Variants in COLEC10 observed in about 807,000 individuals in gnomAD.
COLEC10 encodes collectin subfamily member 10.
Under a neutral mutation model 28.4 loss-of-function variants are expected in COLEC10, and 22 were observed. That is an observed-to-expected ratio of 0.78 (90% CI 0.55 to 1.11). COLEC10 has a LOEUF of 1.11. COLEC10 is among the 50% of genes least tolerant of loss of function. COLEC10 has a pLI of 0.00. For missense variants in COLEC10, 361 were observed against 344.1 expected (o/e 1.05, Z -0.39); for synonymous variants, 125 against 116.1 (o/e 1.08, Z -0.49).
At chr8:119,083,437 T>C (rs770110270) in intron 1 of COLEC10, among the ~76,000 whole-genome samples, 1 of 152,136 alleles carries the variant, frequency 6.6e-6, no homozygotes, top group Non-Finnish European at 1.5e-5. Flanking sequence ...GTCTAAACCA[T>C]ATGGATTGAG....
At chr8:119,094,732 C>T (rs528654278) in intron 3 of COLEC10, among the ~76,000 whole-genome samples, 1 of 152,114 alleles carries the variant, frequency 6.6e-6, no homozygotes, top group Non-Finnish European at 1.5e-5. Context: ...CCAGGAAATG[C>T]CCCCATATTC....
In COLEC10 at chr8:119,107,041, A is replaced by G. The variant is rs1815962345; in HGVS notation, c.*850A>G. ...TGCCCACTGCTATTAACTTAACTTC[A>G]TTTTTATTTATCTTAGGTTTACCTG... is the stretch of plus-strand genomic sequence containing the variant. On this transcript the variant is annotated 3_prime_UTR_variant, in exon 6 of 6. Transcript: ENST00000332843. Among the ~76,000 whole-genome samples the G allele has an allele frequency of 6.6e-6, 1 of 152,106 alleles. No homozygotes were observed. The highest frequency in any genetic ancestry group is 6.5e-5 in the Admixed American group (1 of 15,268).
chr8:119,052,362 C>T (rs957409956), intron 2 of COLEC10, among the ~76,000 whole-genome samples: 1 of 152,090 alleles, frequency 6.6e-6, no homozygotes, highest in African/African-American at 2.4e-5. Context: ...GCCACCAAGA[C>T]AGTGTTGCTG....
intron 1 of COLEC10, among the ~76,000 whole-genome samples, chr8:119,006,710 TG>T (rs1272322974): frequency 6.6e-6 from 1 of 152,056 alleles, no homozygotes; most frequent in Non-Finnish European, 1.5e-5. Flanking sequence ...TCCTACTGCA[TG>T]GATATTGCCT....
the COLEC10 span, among the ~76,000 whole-genome samples, chr8:118,988,547 G>T: frequency 8.5e-5 from 13 of 152,102 alleles, no homozygotes; most frequent in Non-Finnish European, 1.6e-4. Context: ...AGTAGGAGAC[G>T]AGAGAAAAAG....
At chr8:118,962,767 A>AT in the COLEC10 span, among the ~76,000 whole-genome samples, 4 of 152,192 alleles carry the variant, frequency 2.6e-5, no homozygotes, top group African/African-American at 9.6e-5. Flanking sequence ...ACACCTTCCC[A>AT]TTTTCCACAC....
At chr8:119,002,060 T>C (rs946513121) in intron 1 of COLEC10, among the ~76,000 whole-genome samples, 8 of 152,230 alleles carry the variant, frequency 5.3e-5, no homozygotes, top group Non-Finnish European at 1.2e-4. Flanking sequence ...CTTATATTTA[T>C]GCATTGCCTA....
In COLEC10 at chr8:119,106,151, C is replaced by T. The variant is rs1231724394; in HGVS notation, c.794C>T (p.Thr265Ile). 3.7e-6 allele frequency: 6 copies of T among 1,608,802 alleles called. No homozygotes were observed. The African/African-American group carries it at 4.0e-5, about 11-fold the overall frequency. ...GRWNDTECHL[T>I]MYFVCEFIKK... ...TGGAATGACACAGAGTGCCATCTTACCATGTACTTTGTCTGTGAGTTCATC... is the reference window on the plus strand; with the variant it reads ...TGGAATGACACAGAGTGCCATCTTATCATGTACTTTGTCTGTGAGTTCATC... Residue 265 changes from threonine to isoleucine, a missense_variant, in exon 6 of 6, where the codon ACC (threonine) becomes ATC (isoleucine). Around this residue, in one of 3 missense-constraint regions of COLEC10, gnomAD observed 22 missense variants for 17.3 expected, o/e 1.28. Coordinates refer to ENST00000332843, the MANE Select transcript of COLEC10 (RefSeq NM_006438.5).
At chr8:119,049,495 G>A (rs1315536980) in intron 2 of COLEC10, among the ~76,000 whole-genome samples, 1 of 139,510 alleles carries the variant, frequency 7.2e-6, no homozygotes, top group African/African-American at 2.7e-5. Flanking sequence ...GCTCACTGCA[G>A]GCTTCGCCTC....
chr8:119,094,563 G>A (rs1563742231), intron 3 of COLEC10, among the ~76,000 whole-genome samples: 1 of 152,180 alleles, frequency 6.6e-6, no homozygotes, highest in Non-Finnish European at 1.5e-5. Flanking sequence ...TGATCTGGAG[G>A]AGAAGGGAAT....
Position 119,102,206 on chromosome 8 carries a change from TCCTTCCTCCCTCCCTC to T in COLEC10, c.293-138_293-123del, listed in dbSNP as rs1346092049. ...GCTTTGACTCTAGATGTAAATTCACTCCTTCCTCCCTCCCTCCCTCCCTCCCTCCCTCCCTCCTTCC... is the reference window on the plus strand; with the variant it reads ...GCTTTGACTCTAGATGTAAATTCACTCCTCCCTCCCTCCCTCCCTCCTTCC... On this transcript the variant is annotated intron_variant, in intron 3 of 5. Transcript: ENST00000332843. 1.4e-3 allele frequency: 521 copies of T among 361,382 alleles called. 35 individuals are homozygous for T. Among genetic ancestry groups the T allele is most frequent in the Non-Finnish European group, 2.1e-3 (410 of 198,262 alleles). The allele number at this position is 361,382 out of a possible 1,614,324, so 22.4% of individuals were successfully genotyped here. A position where few individuals can be genotyped will look rare whatever the true frequency, so the allele number is the denominator to read the frequency against.
chr8:119,062,350 A>C (rs1351395469), upstream of COLEC10, among the ~76,000 whole-genome samples: 3 of 152,214 alleles, frequency 2.0e-5, no homozygotes, highest in Non-Finnish European at 4.4e-5. Context: ...TAATTAAAAT[A>C]GTATTCTTAT....
At chr8:119,059,111 C>T (rs1814810556) in intron 2 of COLEC10, among the ~76,000 whole-genome samples, 1 of 152,022 alleles carries the variant, frequency 6.6e-6, no homozygotes, top group Non-Finnish European at 1.5e-5. Context: ...TAGCCAAGCA[C>T]AAATTCTTTA....
At chr8:119,074,143 G>T (rs1815179594) in intron 1 of COLEC10, among the ~76,000 whole-genome samples, 1 of 151,892 alleles carries the variant, frequency 6.6e-6, no homozygotes, top group Admixed American at 6.6e-5. Context: ...ATTAACAGAG[G>T]CTAGGAAGGG....
At chr8:119,098,509 C>A (rs905681674) in intron 3 of COLEC10, among the ~76,000 whole-genome samples, 3 of 152,022 alleles carry the variant, frequency 2.0e-5, no homozygotes, top group South Asian at 4.1e-4. Flanking sequence ...TAGACCTGAA[C>A]TTCTTGGGAG....
chr8:119,029,969 G>A (rs982276644), intron 2 of COLEC10, among the ~76,000 whole-genome samples: 1 of 152,158 alleles, frequency 6.6e-6, no homozygotes. Context: ...AACTATATAT[G>A]TATGTAGTTT....
Position 119,105,908 on chromosome 8 carries a change from C to T in COLEC10, c.551C>T (p.Ala184Val). 2 of 1,613,860 alleles carry T rather than the reference C, an allele frequency of 1.2e-6. No homozygotes were observed. Among genetic ancestry groups the T allele is most frequent in the Non-Finnish European group, 1.7e-6 (2 of 1,179,892 alleles). ...THCRIRGGML[A>V]MPKDEAANTL... ...TGCAGGATTCGGGGTGGAATGCTAGCCATGCCCAAGGATGAAGCTGCCAAC... is the reference window on the plus strand; with the variant it reads ...TGCAGGATTCGGGGTGGAATGCTAGTCATGCCCAAGGATGAAGCTGCCAAC... Residue 184 changes from alanine (A) to valine (V), a missense_variant, in exon 6 of 6, where the codon GCC becomes GTC. This residue lies in a region of COLEC10 where 335 missense variants were observed against 308.5 expected (regional missense o/e 1.09). Transcript: ENST00000332843.
At chr8:119,070,478 CTTCCCCCT>C (rs1815089028) in intron 1 of COLEC10, among the ~76,000 whole-genome samples, 5 of 56,670 alleles carry the variant, frequency 8.8e-5, no homozygotes, top group Non-Finnish European at 1.2e-4. Flanking sequence ...TCTCTCTCTC[CTTCCCCCT>C]CCTTCCCTCC....
chr8:119,049,575 C>T (rs922882889), intron 2 of COLEC10, among the ~76,000 whole-genome samples: 2 of 151,710 alleles, frequency 1.3e-5, no homozygotes, highest in African/African-American at 4.8e-5. Context: ...CCACCACACC[C>T]GGCTAATTTT....
Sources: allele counts gnomAD v4.1 joint callset (sites outside exome capture counted in the v4.1 genomes callset), GRCh38; gene constraint gnomAD v4.1.1; regional missense constraint gnomAD v4.1.1; transcripts MANE v1.5; gene names NCBI Gene and HGNC (gene_info 2026-07-23, HGNC 2026-07-21).